Variants in GPD2 observed in about 807,000 individuals in gnomAD.
GPD2 encodes the protein glycerol-3-phosphate dehydrogenase, mitochondrial.
Under a neutral mutation model 82.4 loss-of-function variants are expected in GPD2, and 54 were observed. The observed-to-expected ratio is 0.66, with a 90% CI of 0.53 to 0.82. The LOEUF is 0.82. Ranked by LOEUF, GPD2 falls within the 40% of genes least tolerant of loss-of-function variation. The pLI is 0.00. For missense variants in GPD2, 748 were observed against 896.2 expected (o/e 0.83, Z 2.11); for synonymous variants, 288 against 306.1 (o/e 0.94, Z 0.62).
intron 13 of GPD2, among the ~76,000 whole-genome samples, chr2:156,571,773 A>G (rs1687649120): frequency 1.3e-5 from 2 of 152,148 alleles, no homozygotes; most frequent in Non-Finnish European, 2.9e-5. Flanking sequence ...ACATACATAC[A>G]TACATATACA....
chr2:156,434,654 C>T (rs1221986374), upstream of GPD2, among the ~76,000 whole-genome samples: 1 of 152,074 alleles, frequency 6.6e-6, no homozygotes. Flanking sequence ...ATTTTGCATA[C>T]CTCACATTGC....
chr2:156,577,671 T>G (rs1687873923), intron 13 of GPD2, among the ~76,000 whole-genome samples: 1 of 152,204 alleles, frequency 6.6e-6, no homozygotes, highest in African/African-American at 2.4e-5. Flanking sequence ...CAAGATCCTT[T>G]GATGGGAATT....
chr2:156,521,311 T>C (rs775504095), intron 6 of GPD2, among the ~76,000 whole-genome samples: 14 of 152,190 alleles, frequency 9.2e-5, no homozygotes, highest in Non-Finnish European at 1.8e-4. Flanking sequence ...CTTTCCAAAG[T>C]ATTGTAGGGT....
chr2:156,566,154 C>T (rs7607845), intron 9 of GPD2, among the ~76,000 whole-genome samples: 42,308 of 151,830 alleles, frequency 0.28, 6,350 homozygotes, highest in East Asian at 0.58. Flanking sequence ...TTAACCCTTT[C>T]GTAATTTGAG....
intron 16 of GPD2, among the ~76,000 whole-genome samples, chr2:156,581,517 A>G (rs1688023818): frequency 6.6e-6 from 1 of 152,078 alleles, no homozygotes; most frequent in African/African-American, 2.4e-5. Flanking sequence ...AGATGTCAGC[A>G]TTGCTTATGT....
intron 9 of GPD2, among the ~76,000 whole-genome samples, chr2:156,560,225 A>G (rs1687118006): frequency 1.3e-5 from 2 of 152,180 alleles, no homozygotes; most frequent in Admixed American, 1.3e-4. Flanking sequence ...TCTACCCGTG[A>G]AGTGAGCGTG....
intron 9 of GPD2, among the ~76,000 whole-genome samples, chr2:156,561,811 A>G (rs921645160): frequency 6.6e-6 from 1 of 152,214 alleles, no homozygotes; most frequent in Non-Finnish European, 1.5e-5. Flanking sequence ...AAGAAAAAAA[A>G]GTGTCAAATC....
chr2:156,401,122 C>G, the GPD2 span, among the ~76,000 whole-genome samples: 1 of 152,110 alleles, frequency 6.6e-6, no homozygotes, highest in Admixed American at 6.6e-5. Context: ...ATGATACCCA[C>G]AGAAAAAAAC....
chr2:156,443,212 T>C (rs1396307761), intron 1 of GPD2, among the ~76,000 whole-genome samples: 1 of 152,246 alleles, frequency 6.6e-6, no homozygotes, highest in Admixed American at 6.5e-5. Flanking sequence ...GTATATTTTC[T>C]AAACCCTTTA....
At chr2:156,525,609 C>T (rs1006023507) in intron 6 of GPD2, among the ~76,000 whole-genome samples, 24 of 152,142 alleles carry the variant, frequency 1.6e-4, no homozygotes, top group Admixed American at 1.3e-4. Context: ...TTTTATTTAA[C>T]GTTATCAATC....
chr2:156,548,084 C>T (rs757371244), intron 6 of GPD2, among the ~76,000 whole-genome samples: 2 of 152,042 alleles, frequency 1.3e-5, no homozygotes, highest in Non-Finnish European at 2.9e-5. Flanking sequence ...AAGATTGGGT[C>T]GGATGGGTAC....
At chr2:156,453,647 C>A (rs1382192628) in intron 1 of GPD2, among the ~76,000 whole-genome samples, 1 of 152,098 alleles carries the variant, frequency 6.6e-6, no homozygotes. Context: ...GAGGCTGAGG[C>A]GGGTGGATCA....
chr2:156,552,986 A>T (rs7556729), intron 8 of GPD2, among the ~76,000 whole-genome samples: 1 of 147,530 alleles, frequency 6.8e-6, no homozygotes, highest in Non-Finnish European at 1.5e-5. Context: ...TGCAACCTCC[A>T]CCTCCTGAGT....
At chr2:156,446,128 G>T (rs767496751) in intron 1 of GPD2, among the ~76,000 whole-genome samples, 3 of 151,952 alleles carry the variant, frequency 2.0e-5, no homozygotes, top group Non-Finnish European at 4.4e-5. Context: ...GATGAGTCTC[G>T]CTCTGTTGCC....
intron 3 of GPD2, among the ~76,000 whole-genome samples, chr2:156,507,048 G>A (rs563283195): frequency 1.1e-4 from 17 of 151,074 alleles, no homozygotes; most frequent in Non-Finnish European, 2.2e-4. Context: ...GAGTCTCACT[G>A]TATCACCTAG....
chr2:156,447,725 T>C (rs1682417518), intron 1 of GPD2, among the ~76,000 whole-genome samples: 1 of 152,244 alleles, frequency 6.6e-6, no homozygotes, highest in African/African-American at 2.4e-5. Flanking sequence ...TTCTCTTTTC[T>C]GTGAAACTGA....
Position 156,550,716 on chromosome 2 carries a change from GT to G in GPD2, c.942del (p.Val315SerfsTer4). The G allele has an allele frequency of 6.2e-7, 1 of 1,613,946 alleles. No individual in the cohort carries two copies. Among genetic ancestry groups the G allele is most frequent in the Non-Finnish European group, 8.5e-7 (1 of 1,179,840 alleles). ...GCAGCTATCTGCCAGCCAAGTGCTG[GT>G]GTCCATATTGTGATGCCTGGTTATT... is the stretch of plus-strand genomic sequence containing the variant. ...DAAAICQPSA[G>X]VHIVMPGYYS... On this transcript the variant is annotated frameshift_variant, in exon 8 of 17. Transcript: ENST00000438166. LOFTEE classifies it high-confidence loss of function.
intron 6 of GPD2, among the ~76,000 whole-genome samples, chr2:156,538,820 C>A (rs1278725040): frequency 3.6e-3 from 397 of 109,852 alleles, no homozygotes; most frequent in Middle Eastern, 0.01. Flanking sequence ...GACTGCATCT[C>A]AAAAAAAAAA....
At chr2:156,444,720 TACACAC>T (rs397789170) in intron 1 of GPD2, among the ~76,000 whole-genome samples, 2 of 150,088 alleles carry the variant, frequency 1.3e-5, no homozygotes, top group African/African-American at 2.5e-5. Flanking sequence ...CAAAAACAAA[TACACAC>T]ACACACACAC....
Sources: allele counts gnomAD v4.1 joint callset (sites outside exome capture counted in the v4.1 genomes callset), GRCh38; gene constraint gnomAD v4.1.1; transcripts MANE v1.5; gene names NCBI Gene and HGNC (gene_info 2026-07-23, HGNC 2026-07-21).